AP3B1: variants seen among roughly 807,000 people sequenced by gnomAD.
AP3B1 encodes the protein AP-3 complex subunit beta-1.
A neutral mutation model predicts 132.5 loss-of-function variants in AP3B1; 61 were observed. That is an observed-to-expected ratio of 0.46 (90% CI 0.37 to 0.57). AP3B1 has a LOEUF of 0.57. Ranked by LOEUF, AP3B1 falls within the 20% of genes least tolerant of loss-of-function variation. The pLI is 0.00. For missense variants in AP3B1, 1,120 were observed against 1,289.4 expected (o/e 0.87, Z 2.01); for synonymous variants, 388 against 438.3 (o/e 0.89, Z 1.43).
At chr5:78,041,515 G>A (rs1006971171) in intron 22 of AP3B1, among the ~76,000 whole-genome samples, 1 of 151,014 alleles carries the variant, frequency 6.6e-6, no homozygotes, top group Non-Finnish European at 1.5e-5. Flanking sequence ...GCCATGATTA[G>A]GTCACTGCAC....
intron 2 of AP3B1, among the ~76,000 whole-genome samples, chr5:78,262,527 T>C (rs1406839891): frequency 6.6e-6 from 1 of 152,180 alleles, no homozygotes. Context: ...TTACCAAAAA[T>C]CATTTGACCA....
chr5:78,062,891 C>CA (rs1013469456), intron 22 of AP3B1, among the ~76,000 whole-genome samples: 3 of 152,082 alleles, frequency 2.0e-5, no homozygotes, highest in African/African-American at 7.2e-5. Flanking sequence ...TGATGGGCAC[C>CA]AAATGAACAA....
chr5:78,078,975 T>A (rs1309497643), intron 22 of AP3B1, among the ~76,000 whole-genome samples: 1 of 152,208 alleles, frequency 6.6e-6, no homozygotes, highest in Non-Finnish European at 1.5e-5. Context: ...AGATTTCAGA[T>A]ATGAAAGCTC....
At chr5:78,033,580 T>C (rs1396339652) in intron 24 of AP3B1, among the ~76,000 whole-genome samples, 1 of 152,042 alleles carries the variant, frequency 6.6e-6, no homozygotes, top group Admixed American at 6.5e-5. Context: ...GTAGGTAAAA[T>C]GTCTCAATTC....
intron 1 of AP3B1, among the ~76,000 whole-genome samples, chr5:78,275,655 T>C (rs1339704037): frequency 2.6e-5 from 4 of 152,088 alleles, no homozygotes; most frequent in Non-Finnish European, 5.9e-5. Context: ...TTTTGTATTT[T>C]AGTAGGGACA....
intron 21 of AP3B1, among the ~76,000 whole-genome samples, chr5:78,091,492 C>G (rs1561399257): frequency 1.3e-5 from 2 of 152,104 alleles, no homozygotes; most frequent in African/African-American, 2.4e-5. Context: ...TAGACCCACA[C>G]TGAAAACCCC....
intron 17 of AP3B1, among the ~76,000 whole-genome samples, chr5:78,127,820 T>C (rs1256604392): frequency 6.6e-6 from 1 of 152,172 alleles, no homozygotes; most frequent in Non-Finnish European, 1.5e-5. Context: ...CTCTATTTCC[T>C]TGAAGAAAAG....
intron 24 of AP3B1, among the ~76,000 whole-genome samples, chr5:78,028,350 C>T (rs901305601): frequency 4.0e-5 from 6 of 151,176 alleles, no homozygotes; most frequent in Non-Finnish European, 1.5e-5. Flanking sequence ...GTCCCAGCTA[C>T]TCGGGAGGCT....
At chr5:78,089,532 A>G (rs765675222) in intron 21 of AP3B1, 33 bp from the exon 22 acceptor site, 2 of 1,343,794 alleles carry the variant, frequency 1.5e-6, no homozygotes, top group Admixed American at 3.4e-5. Context: ...GTAAATGTGC[A>G]TGAACGTTTA....
chr5:78,180,057 G>A (rs1202947519), intron 8 of AP3B1, among the ~76,000 whole-genome samples: 1 of 152,080 alleles, frequency 6.6e-6, no homozygotes, highest in East Asian at 1.9e-4. Context: ...ATAAAGTACA[G>A]CTTAAGATGG....
intron 3 of AP3B1, 44 bp downstream of exon 3, chr5:78,240,818 A>T (rs372897900): frequency 3.2e-5 from 44 of 1,376,062 alleles, no homozygotes; most frequent in Non-Finnish European, 4.4e-5. Context: ...GTACGGTCCC[A>T]TGAAAACAAA....
chr5:78,229,570 T>TAAAAAAAAA (rs747124764), intron 3 of AP3B1, among the ~76,000 whole-genome samples: 1,990 of 92,570 alleles, frequency 0.021, 57 homozygotes, highest in African/African-American at 0.074. Context: ...CCATTTCTAG[T>TAAAAAAAAA]AAAACAAAAA....
intron 1 of AP3B1, among the ~76,000 whole-genome samples, chr5:78,271,303 C>A (rs942901995): frequency 2.0e-5 from 3 of 152,140 alleles, no homozygotes; most frequent in African/African-American, 7.2e-5. Context: ...TGCCTGTAAT[C>A]CCAGCTATTC....
chr5:78,082,877 G>A (rs777346865), intron 22 of AP3B1, among the ~76,000 whole-genome samples: 4 of 151,748 alleles, frequency 2.6e-5, no homozygotes, highest in Non-Finnish European at 4.4e-5. Flanking sequence ...GTGCAGTGGC[G>A]CGATCTTGGC....
chr5:78,025,344 T>C (rs1747296572), intron 24 of AP3B1, among the ~76,000 whole-genome samples: 1 of 152,184 alleles, frequency 6.6e-6, no homozygotes, highest in Non-Finnish European at 1.5e-5. Flanking sequence ...GAGATCTGCC[T>C]TCTAAGGCAT....
chr5:78,265,754 T>C (rs1436630809), intron 2 of AP3B1, among the ~76,000 whole-genome samples: 2 of 152,218 alleles, frequency 1.3e-5, no homozygotes, highest in African/African-American at 4.8e-5. Context: ...AAATCTCACC[T>C]TACCAAGTTC....
intron 22 of AP3B1, among the ~76,000 whole-genome samples, chr5:78,070,236 G>A (rs895057115): frequency 1.3e-5 from 2 of 151,636 alleles, no homozygotes; most frequent in Non-Finnish European, 2.9e-5. Flanking sequence ...GTGAAACCCC[G>A]TATCTACTAA....
intron 21 of AP3B1, among the ~76,000 whole-genome samples, chr5:78,089,711 C>T (rs1750428745): frequency 6.6e-6 from 1 of 152,018 alleles, no homozygotes; most frequent in South Asian, 2.1e-4. Flanking sequence ...AATCCTATAA[C>T]AAAATAAGGA....
intron 1 of AP3B1, among the ~76,000 whole-genome samples, chr5:78,274,346 G>A (rs935154682): frequency 2.0e-5 from 3 of 151,140 alleles, no homozygotes; most frequent in African/African-American, 7.3e-5. Context: ...ACAAATTGAA[G>A]CACAGAGAAA....
Sources: allele counts gnomAD v4.1 joint callset (sites outside exome capture counted in the v4.1 genomes callset), GRCh38; gene constraint gnomAD v4.1.1; transcripts MANE v1.5; gene names NCBI Gene and HGNC (gene_info 2026-07-23, HGNC 2026-07-21).